The following TENM1 variants were observed in gnomAD, a reference collection of about 807,000 sequenced individuals.
TENM1 encodes teneurin transmembrane protein 1, also known as teneurin-1.
TENM1 carries 35 observed loss-of-function variants against 174.8 expected under a neutral mutation model. The ratio of observed to expected loss-of-function variants is 0.20; its 90% CI spans 0.15 to 0.27. The LOEUF is 0.27. Among genes scored for constraint, TENM1 ranks in the 10% least tolerant of loss-of-function variants. TENM1 has a pLI of 1.00. For synonymous variants in TENM1, 781 were observed against 798.7 expected, an observed-to-expected ratio of 0.98 and a Z score of 0.37; for missense variants, 1,633 against 2,130.1, an observed-to-expected ratio of 0.77 and a Z score of 4.59.
chrX:125,169,909 G>T, the TENM1 span, among the ~76,000 whole-genome samples: 2 of 110,769 alleles, frequency 1.8e-5, no homozygotes, highest in Non-Finnish European at 3.8e-5. Context: ...CTAGCTGTAG[G>T]TTCTCATTTC....
At chrX:124,716,125 A>AT (rs2053176896) in intron 4 of TENM1, among the ~76,000 whole-genome samples, 1 of 112,156 alleles carries the variant, frequency 8.9e-6, no homozygotes, top group South Asian at 3.7e-4. Flanking sequence ...ATAAATTAAC[A>AT]TAAGAAATGC....
At chrX:124,976,499 TAAG>T in the TENM1 span, among the ~76,000 whole-genome samples, 4 of 112,084 alleles carry the variant, frequency 3.6e-5, no homozygotes, top group African/African-American at 1.3e-4. Context: ...GGAAAGAGAC[TAAG>T]AAGACTTTAG....
intron 11 of TENM1, among the ~76,000 whole-genome samples, chrX:124,590,118 C>T (rs1366909265): frequency 1.8e-5 from 2 of 111,717 alleles, no homozygotes; most frequent in Non-Finnish European, 3.8e-5. Flanking sequence ...TCTCTGCTTT[C>T]ATTTATTTCA....
chrX:124,434,317 G>A (rs1202423650), intron 23 of TENM1, among the ~76,000 whole-genome samples: 1 of 111,390 alleles, frequency 9.0e-6, no homozygotes, highest in Non-Finnish European at 1.9e-5. Context: ...TATTATATAA[G>A]GGTTTCCTTG....
the TENM1 span, among the ~76,000 whole-genome samples, chrX:124,976,038 A>G: frequency 2.3e-4 from 26 of 111,549 alleles, no homozygotes; most frequent in African/African-American, 7.1e-4. Flanking sequence ...TTTAAAAAAT[A>G]CAAGTACCAG....
At chrX:124,804,560 A>G (rs1467734693) in intron 3 of TENM1, among the ~76,000 whole-genome samples, 1 of 112,142 alleles carries the variant, frequency 8.9e-6, no homozygotes. Context: ...AAAACCAATG[A>G]AAAGGTTTTC....
At chrX:124,590,075 T>G (rs1487813634) in intron 11 of TENM1, among the ~76,000 whole-genome samples, 1 of 112,174 alleles carries the variant, frequency 8.9e-6, no homozygotes, top group East Asian at 2.8e-4. Context: ...TAACATAGCT[T>G]TTGCTGCATC....
intron 3 of TENM1, among the ~76,000 whole-genome samples, chrX:124,805,743 C>T (rs1278165730): frequency 8.8e-6 from 1 of 113,121 alleles, no homozygotes; most frequent in Non-Finnish European, 1.9e-5. Context: ...TCCCCTAGCA[C>T]CACAACGGCC....
At chrX:124,389,747 T>C (rs979064960) in intron 28 of TENM1, among the ~76,000 whole-genome samples, 4 of 111,682 alleles carry the variant, frequency 3.6e-5, no homozygotes, top group Non-Finnish European at 7.5e-5. Flanking sequence ...TATTAAGTTA[T>C]TTCATTTAAT....
chrX:124,884,960 G>A (rs2057358939), intron 3 of TENM1, among the ~76,000 whole-genome samples: 1 of 111,814 alleles, frequency 8.9e-6, no homozygotes, highest in Non-Finnish European at 1.9e-5. Flanking sequence ...TTGTTGCTAG[G>A]CTACAAACCT....
intron 1 of TENM1, among the ~76,000 whole-genome samples, chrX:124,939,934 A>C (rs928738922): frequency 4.5e-5 from 5 of 112,013 alleles, no homozygotes; most frequent in Admixed American, 1.9e-4. Flanking sequence ...CAATAGCCAA[A>C]ATATATTGTT....
chrX:125,077,996 G>A, the TENM1 span, among the ~76,000 whole-genome samples: 1 of 111,520 alleles, frequency 9.0e-6, no homozygotes. Context: ...TGGAAAATCA[G>A]AACTACATGA....
chrX:124,945,261 A>T (rs1386801657), intron 1 of TENM1, among the ~76,000 whole-genome samples: 1 of 111,660 alleles, frequency 9.0e-6, no homozygotes, highest in African/African-American at 3.3e-5. Flanking sequence ...GAATGGTTGT[A>T]ACAGAATGGT....
intron 1 of TENM1, among the ~76,000 whole-genome samples, chrX:124,905,930 A>G (rs1244932361): frequency 8.9e-6 from 1 of 112,263 alleles, no homozygotes; most frequent in African/African-American, 3.2e-5. Context: ...TGTTTCCAAC[A>G]TCCACAGTGG....
At chrX:124,796,997 T>C (rs750864490) in intron 3 of TENM1, among the ~76,000 whole-genome samples, 2 of 111,904 alleles carry the variant, frequency 1.8e-5, no homozygotes, top group South Asian at 7.5e-4. Flanking sequence ...TTTGAATCAA[T>C]TTATCTAGGA....
intron 25 of TENM1, among the ~76,000 whole-genome samples, chrX:124,418,884 TA>T (rs1439872463): frequency 2.7e-5 from 3 of 112,127 alleles, no homozygotes; most frequent in Admixed American, 1.9e-4. Flanking sequence ...GTAGTATATT[TA>T]AAAACACAGG....
intron 29 of TENM1, 40 bp downstream of exon 32, chrX:124,385,637 G>T: frequency 8.8e-7 from 1 of 1,138,632 alleles, no homozygotes; most frequent in Middle Eastern, 3.1e-4. Context: ...TAAGAAAATA[G>T]TGATGTTGTT....
At chrX:125,121,089 G>T in the TENM1 span, among the ~76,000 whole-genome samples, 1 of 111,814 alleles carries the variant, frequency 8.9e-6, no homozygotes, top group African/African-American at 3.2e-5. Context: ...GGAGACAAGT[G>T]TACAGCAAAG....
At chrX:125,025,727 C>T in the TENM1 span, among the ~76,000 whole-genome samples, 1 of 111,381 alleles carries the variant, frequency 9.0e-6, no homozygotes, top group Non-Finnish European at 1.9e-5. Flanking sequence ...TGGTAAGAGA[C>T]CTAAAACACA....
Sources: allele counts gnomAD v4.1 joint callset (sites outside exome capture counted in the v4.1 genomes callset), GRCh38; gene constraint gnomAD v4.1.1; transcripts MANE v1.5; gene names NCBI Gene and HGNC (gene_info 2026-07-23, HGNC 2026-07-21).